RGPD8: variants seen among roughly 807,000 people sequenced by gnomAD.
The protein encoded by RGPD8 is RANBP2 like and GRIP domain containing 8.
RGPD8 carries 15 observed loss-of-function variants against 89.1 expected under a neutral mutation model. That is an observed-to-expected ratio of 0.17 (90% confidence interval 0.11 to 0.26). The LOEUF (loss-of-function observed/expected upper bound fraction) is 0.26. RGPD8 is among the 10% of genes least tolerant of loss of function. The pLI, the probability that RGPD8 is intolerant of heterozygous loss-of-function variation, is 1.00. For missense variants in RGPD8, 178 were observed against 1,179.6 expected, an observed-to-expected ratio of 0.15 and a Z score of 12.44; for synonymous variants, 62 against 420.9, an observed-to-expected ratio of 0.15 and a Z score of 10.44.
chr2:112,373,634 G>A (rs1212475140), intron 22 of RGPD8, among the ~76,000 whole-genome samples: 2 of 151,306 alleles, frequency 1.3e-5, no homozygotes, highest in African/African-American at 2.4e-5. Flanking sequence ...ATATTCTAAC[G>A]TTTCACATAT....
chr2:112,423,725 G>A (rs1195660907), intron 2 of RGPD8, among the ~76,000 whole-genome samples: 4 of 151,208 alleles, frequency 2.6e-5, no homozygotes, highest in African/African-American at 9.7e-5. Flanking sequence ...AAAAAAGCCT[G>A]CCTCCCTCTT....
Position 112,370,124 on chromosome 2 carries a change from A to G in RGPD8, c.*54T>C, listed in dbSNP as rs1677905473. On this transcript the variant is annotated 3_prime_UTR_variant, in exon 23 of 23. Transcript: ENST00000302558. ...AAACAGATTCTATTTGGTTAATAGA[A>G]GTATTCCTTCCATCAACCTATCGAA... is the stretch of plus-strand genomic sequence containing the variant. 4.8e-5 allele frequency: 60 copies of G among 1,242,310 alleles called. 1 individual carries two copies. The highest frequency in any genetic ancestry group is 6.6e-5 in the Non-Finnish European group (58 of 883,242). The allele number at this position is 1,242,310 out of a possible 1,614,324, so 77.0% of individuals were successfully genotyped here.
In RGPD8 at chr2:112,433,160, A is replaced by G. The variant is rs1325987052; in HGVS notation, c.72+222T>C. On this transcript the variant is annotated intron_variant, in intron 1 of 22. Coordinates refer to ENST00000302558, the MANE Select transcript of RGPD8 (RefSeq NM_001164463.1). ...CGGGCCGGGTCGAGGCCGCCGCCTCAACAGAGCGCGCCAGGGAGCAGCGCC... is the reference window on the plus strand; with the variant it reads ...CGGGCCGGGTCGAGGCCGCCGCCTCGACAGAGCGCGCCAGGGAGCAGCGCC... Among the ~76,000 whole-genome samples, 7 of 110,616 alleles carry G rather than the reference A, an allele frequency of 6.3e-5. 1 individual carries two copies. Among genetic ancestry groups the G allele is most frequent in the African/African-American group, 2.5e-4 (7 of 27,528 alleles). The allele number at this position is 110,616 out of a possible 152,430, so 72.6% of individuals were successfully genotyped here. A position where few individuals can be genotyped will look rare whatever the true frequency, so the allele number is the denominator to read the frequency against.
chr2:112,426,219 G>T (rs1188355876), intron 1 of RGPD8, among the ~76,000 whole-genome samples: 1 of 152,054 alleles, frequency 6.6e-6, no homozygotes, highest in Non-Finnish European at 1.5e-5. Context: ...TTGCTCTTTG[G>T]TGCCATTTTA....
At chr2:112,404,958 TC>T in intron 8 of RGPD8, among the ~76,000 whole-genome samples, 1 of 152,272 alleles carries the variant, frequency 6.6e-6, no homozygotes, top group Non-Finnish European at 1.5e-5. Flanking sequence ...AAAATCATAG[TC>T]CTCGGATAAA....
At chr2:112,385,579 G>C (rs1363334401) in intron 20 of RGPD8, among the ~76,000 whole-genome samples, 6 of 125,882 alleles carry the variant, frequency 4.8e-5, no homozygotes, top group Middle Eastern at 3.6e-3. Context: ...TGAAGACTTG[G>C]TGAAAAACAA....
chr2:112,422,288 G>T (rs1250658931), intron 3 of RGPD8, among the ~76,000 whole-genome samples, 176 bp from the exon 4 acceptor site: 1 of 134,170 alleles, frequency 7.5e-6, no homozygotes, highest in Non-Finnish European at 1.6e-5. Flanking sequence ...GAATTTTCTA[G>T]AAATGAATCA....
At chr2:112,370,351 G>GGGGA in intron 22 of RGPD8, 139 bp from the exon 23 acceptor site, 2 of 519,344 alleles carry the variant, frequency 3.9e-6, no homozygotes, top group African/African-American at 2.2e-5. Flanking sequence ...TTTTTGGTGG[G>GGGGA]GGGGGGGGTT....
intron 21 of RGPD8, among the ~76,000 whole-genome samples, chr2:112,380,455 C>T (rs1189638514): frequency 7.1e-6 from 1 of 141,764 alleles, no homozygotes; most frequent in Admixed American, 7.1e-5. Context: ...AGATCGAGAC[C>T]ATCCTGGCTA....
chr2:112,433,521 A>C lies in RGPD8; in HGVS notation c.-68T>G. 6.7e-7 allele frequency: 1 copy of C among 1,494,852 alleles called. No homozygotes were observed. Among genetic ancestry groups the C allele is most frequent in the South Asian group, 1.2e-5 (1 of 84,708 alleles). The allele number at this position is 1,494,852 out of a possible 1,614,324, so 92.6% of individuals were successfully genotyped here. ...CAGCCCCGCAGCAGTCGCCACTTCC[A>C]AGAGGAAAGTGCCTGCAAGCCACTG... is the stretch of plus-strand genomic sequence containing the variant. On this transcript the variant is annotated 5_prime_UTR_variant, in exon 1 of 23. Transcript: ENST00000302558.
intron 21 of RGPD8, among the ~76,000 whole-genome samples, chr2:112,379,299 T>C (rs1678195955): frequency 6.6e-6 from 1 of 152,024 alleles, no homozygotes; most frequent in African/African-American, 2.4e-5. Flanking sequence ...TATAAATTTA[T>C]GAAAATATAA....
intron 22 of RGPD8, 147 bp from the exon 23 acceptor site, chr2:112,370,359 G>GTTGT (rs1553500665): frequency 3.0e-5 from 3 of 100,760 alleles, no homozygotes; most frequent in Admixed American, 2.4e-4. Context: ...GGGGGGGGGG[G>GTTGT]TTCTTTTTTT....
chr2:112,408,720 G>T (rs1451764276), intron 7 of RGPD8, among the ~76,000 whole-genome samples: 2 of 151,364 alleles, frequency 1.3e-5, no homozygotes, highest in African/African-American at 4.9e-5. Flanking sequence ...CCAGGCTGGA[G>T]TGCTGCAGTG....
chr2:112,431,700 G>A (rs1680046027), intron 1 of RGPD8, among the ~76,000 whole-genome samples: 1 of 150,128 alleles, frequency 6.7e-6, no homozygotes. Flanking sequence ...GCAGTAGCGC[G>A]ATCTCGGCTC....
chr2:112,370,358 G>GGT (rs1677924118), intron 22 of RGPD8, 146 bp from the exon 23 acceptor site: 1 of 285,500 alleles, frequency 3.5e-6, no homozygotes, highest in African/African-American at 3.1e-5. Flanking sequence ...TGGGGGGGGG[G>GGT]GTTCTTTTTT....
chr2:112,422,544 T>C lies in RGPD8; in HGVS notation c.252+4A>G. On this transcript the variant is annotated splice_donor_region_variant and intron_variant, in intron 3 of 22. Coordinates refer to ENST00000302558, the MANE Select transcript of RGPD8 (RefSeq NM_001164463.1). Reference sequence around the variant, plus strand: ...AAAGGCTATATTTGAATCCTATAACTTACCCTGTAACATTCAACGGCTTTC... The same window carrying C: ...AAAGGCTATATTTGAATCCTATAACCTACCCTGTAACATTCAACGGCTTTC... 2 of 1,610,388 alleles carry C rather than the reference T, an allele frequency of 1.2e-6. No individual in the cohort carries two copies. The highest frequency in any genetic ancestry group is 8.5e-7 in the Non-Finnish European group (1 of 1,179,178).
intron 7 of RGPD8, among the ~76,000 whole-genome samples, chr2:112,411,159 A>C (rs1405245353): frequency 6.6e-6 from 1 of 152,300 alleles, no homozygotes; most frequent in South Asian, 2.1e-4. Context: ...TCCCTCCCCA[A>C]GCAAAAAATC....
At chr2:112,409,589 G>C (rs1469709338) in intron 7 of RGPD8, among the ~76,000 whole-genome samples, 3 of 147,624 alleles carry the variant, frequency 2.0e-5, no homozygotes, top group Non-Finnish European at 4.4e-5. Context: ...TTGAAGCCAG[G>C]AGTTCAAGAC....
At position 112,370,224 on chromosome 2, in the gene RGPD8, A is replaced by G; in HGVS notation, c.5264-12T>C. 2 of 1,501,880 alleles carry G rather than the reference A, an allele frequency of 1.3e-6. 1 individual carries two copies. Among genetic ancestry groups the G allele is most frequent in the Admixed American group, 4.0e-5 (2 of 50,478 alleles). 93.0% of individuals were successfully genotyped at this position (1,501,880 alleles called of 1,614,324 possible). On this transcript the variant is annotated splice_polypyrimidine_tract_variant and intron_variant, in intron 22 of 22. Coordinates refer to ENST00000302558, the MANE Select transcript of RGPD8 (RefSeq NM_001164463.1). ...ATTTTCTTCCTCATCTTTAGAAAGT[A>G]AAACAAAGAAAAAAAAAAGAAAAAA...
Sources: allele counts gnomAD v4.1 joint callset (sites outside exome capture counted in the v4.1 genomes callset), GRCh38; gene constraint gnomAD v4.1.1; transcripts MANE v1.5; gene names NCBI Gene and HGNC (gene_info 2026-07-23, HGNC 2026-07-21).